The following NHSL1 variants were observed in gnomAD, a reference collection of about 807,000 sequenced individuals.
NHSL1 encodes NHS like 1.
A neutral mutation model predicts 95.0 loss-of-function variants in NHSL1; 48 were observed. The observed-to-expected ratio is 0.51, with a 90% confidence interval of 0.40 to 0.64. The LOEUF (loss-of-function observed/expected upper bound fraction) is 0.64. NHSL1 is among the 30% of genes least tolerant of loss of function. The pLI is 0.00. For synonymous variants in NHSL1, 783 were observed against 833.9 expected, an observed-to-expected ratio of 0.94 and a Z score of 1.05; for missense variants, 1,971 against 2,077.7, an observed-to-expected ratio of 0.95 and a Z score of 1.00.
At chr6:138,525,051 T>C (rs141883148) in intron 1 of NHSL1, among the ~76,000 whole-genome samples, 178 of 152,220 alleles carry the variant, frequency 1.2e-3, no homozygotes, top group Non-Finnish European at 2.0e-3. Context: ...CAGAGCAGCT[T>C]TGGCCCACCA....
At chr6:138,683,230 C>T (rs1354535129) in intron 1 of NHSL1, among the ~76,000 whole-genome samples, 2 of 152,214 alleles carry the variant, frequency 1.3e-5, no homozygotes, top group African/African-American at 4.8e-5. Context: ...TTTCACATGC[C>T]TGTGCAGAAC....
At chr6:138,654,681 C>T (rs1785133801) in intron 1 of NHSL1, among the ~76,000 whole-genome samples, 1 of 151,968 alleles carries the variant, frequency 6.6e-6, no homozygotes, top group East Asian at 1.9e-4. Flanking sequence ...CCATAAAATG[C>T]TCCCACATAT....
chr6:138,561,976 TG>T (rs1298779623), intron 1 of NHSL1, among the ~76,000 whole-genome samples: 1 of 152,228 alleles, frequency 6.6e-6, no homozygotes, highest in African/African-American at 2.4e-5. Context: ...AGTCATCAAA[TG>T]TCAGCGATGA....
intron 1 of NHSL1, among the ~76,000 whole-genome samples, chr6:138,569,245 A>ATGTATATG (rs1554253157): frequency 1.4e-5 from 2 of 147,404 alleles, no homozygotes; most frequent in African/African-American, 5.0e-5. Context: ...TTGTGTGTAT[A>ATGTATATG]TGTGTGTGTG....
chr6:138,424,328 A>G lies in NHSL1; in HGVS notation c.4574T>C (p.Ile1525Thr). Residue 1525 changes from isoleucine (I) to threonine (T), a missense_variant, in exon 8 of 8, where the codon ATC becomes ACC. Physicochemically the swap from Ile to Thr is moderately conservative, Grantham distance 89. This residue lies in a region of NHSL1 where 223 missense variants were observed against 217.0 expected (regional missense o/e 1.03). Coordinates refer to ENST00000343505, the MANE Select transcript of NHSL1 (RefSeq NM_001144060.2). This position sits in a 1 kb window ranked among gnomAD's most constrained non-coding sequence, Gnocchi z 5.9. ...CACGGCTTCCCCTTCTCCCTCCGAG[A>G]TGACGGTCATGGGGCTGCTCTGGAT... Reference protein sequence around the residue: ...NRIQSSPMTVISEGEGEAVEP... With the variant: ...NRIQSSPMTVTSEGEGEAVEP... 3 of 1,533,880 alleles carry G rather than the reference A, an allele frequency of 2.0e-6. No homozygotes were observed. Among genetic ancestry groups the G allele is most frequent in the Non-Finnish European group, 2.6e-6 (3 of 1,136,550 alleles).
chr6:138,433,655 A>G lies in NHSL1; in HGVS notation c.690T>C (p.Ala230=), dbSNP rs1236256717. ...CAGGGGTGTACACTGAGTGGCCATCAGCATCATCTTGGCCAGTGCCTGATG... is the reference window on the plus strand; with the variant it reads ...CAGGGGTGTACACTGAGTGGCCATCGGCATCATCTTGGCCAGTGCCTGATG... ...ELASGTGQDD[A]DGHSVYTPDH... Residue 230 remains alanine (A), a synonymous_variant, in exon 6 of 8, where the codon GCT becomes GCC. Transcript: ENST00000343505. The G allele has an allele frequency of 2.6e-6, 4 of 1,544,422 alleles. No individual in the cohort carries two copies. In the South Asian group the frequency reaches 4.8e-5, roughly 18 times the overall value.
intron 1 of NHSL1, among the ~76,000 whole-genome samples, chr6:138,513,861 T>A (rs928388947): frequency 3.3e-5 from 5 of 152,176 alleles, no homozygotes; most frequent in African/African-American, 7.2e-5. Flanking sequence ...ACTAAACACA[T>A]GATCTGGACC....
Position 138,432,871 on chromosome 6 carries a change from C to T in NHSL1, c.1474G>A (p.Ala492Thr), listed in dbSNP as rs757529652. The T allele has an allele frequency of 1.7e-5, 26 of 1,551,332 alleles. No homozygotes were observed. Among genetic ancestry groups the T allele is most frequent in the East Asian group, 2.4e-5 (1 of 40,920 alleles). The change falls in exon 6 of 8, where the codon GCA (alanine) becomes ACA (threonine). Residue 492 changes from alanine to threonine, a missense_variant. Physicochemically the swap from Ala to Thr is moderately conservative, Grantham distance 58. Coordinates refer to ENST00000343505, the MANE Select transcript of NHSL1 (RefSeq NM_001144060.2). The surrounding 1 kb of genome is among the most constrained non-coding windows in gnomAD (Gnocchi z 4.4). ...DLDPHSPGEP[A>T]LLSLCDSAVP... is the part of the protein sequence containing the mutation. Reference sequence around the variant, plus strand: ...GCTGAGTCACAGAGGGACAACAGTGCGGGTTCACCAGGGGAATGAGGGTCT... The same window carrying T: ...GCTGAGTCACAGAGGGACAACAGTGTGGGTTCACCAGGGGAATGAGGGTCT...
intron 1 of NHSL1, among the ~76,000 whole-genome samples, chr6:138,567,548 A>AT (rs751965981): frequency 3.3e-5 from 5 of 152,066 alleles, no homozygotes; most frequent in Non-Finnish European, 7.4e-5. Context: ...TTTTCATGTC[A>AT]TTTTTCTCCA....
At chr6:138,684,916 G>T (rs1785565459) in intron 1 of NHSL1, among the ~76,000 whole-genome samples, 1 of 152,100 alleles carries the variant, frequency 6.6e-6, no homozygotes, top group African/African-American at 2.4e-5. Context: ...AATTAAGTAA[G>T]TTACTAGGGG....
intron 1 of NHSL1, among the ~76,000 whole-genome samples, chr6:138,536,762 C>T (rs1421525864): frequency 6.6e-6 from 1 of 151,900 alleles, no homozygotes; most frequent in Non-Finnish European, 1.5e-5. Context: ...AGGGATTTGT[C>T]CTAATGCTCT....
chr6:138,551,742 T>C (rs893605572), intron 1 of NHSL1, among the ~76,000 whole-genome samples: 1 of 152,174 alleles, frequency 6.6e-6, no homozygotes, highest in Non-Finnish European at 1.5e-5. Flanking sequence ...GGGAAACTGA[T>C]TTAAAACCAG....
intron 4 of NHSL1, 155 bp downstream of exon 4, chr6:138,446,846 T>G: frequency 1.5e-6 from 1 of 684,824 alleles, no homozygotes; most frequent in Non-Finnish European, 2.5e-6. Context: ...CACACACATA[T>G]GTAGTTTTAA....
intron 1 of NHSL1, among the ~76,000 whole-genome samples, chr6:138,553,488 C>T (rs79189747): frequency 0.021 from 3,150 of 152,296 alleles, 48 homozygotes; most frequent in Middle Eastern, 0.058. Context: ...CTCATTCACA[C>T]TTAACTTCTG....
chr6:138,432,820 T>G lies in NHSL1; in HGVS notation c.1525A>C (p.Arg509=). Residue 509 remains arginine (R), a synonymous_variant, in exon 6 of 8, where the codon AGG becomes CGG. Transcript: ENST00000343505. The surrounding 1 kb of genome is among the most constrained non-coding windows in gnomAD (Gnocchi z 4.4). ...GGCATAGCTTGGGACCCATTCTCCC[T>G]ATTTGCTGGAGCATTTAGAGGGACG... ...SAVPLNAPAN[R]ENGSQAMPYN... is the part of the protein sequence containing the mutation. 6.4e-7 allele frequency: 1 copy of G among 1,551,654 alleles called. No individual in the cohort carries two copies. Among genetic ancestry groups the G allele is most frequent in the Non-Finnish European group, 8.7e-7 (1 of 1,146,952 alleles).
intron 1 of NHSL1, among the ~76,000 whole-genome samples, chr6:138,654,531 A>T (rs930539692): frequency 5.9e-5 from 9 of 152,204 alleles, no homozygotes; most frequent in Admixed American, 2.0e-4. Context: ...AAATTATTTT[A>T]ATTTTTTTAA....
chr6:138,496,284 G>C lies in NHSL1; in HGVS notation c.146C>G (p.Thr49Arg). The change falls in exon 2 of 8, where the codon ACA (threonine) becomes AGA (arginine). Residue 49 changes from threonine (T) to arginine (R), a missense_variant. Thr to Arg is a moderately conservative substitution (Grantham distance 71). Coordinates refer to ENST00000343505, the MANE Select transcript of NHSL1 (RefSeq NM_001144060.2). ...HQQENVFLPT[T>R]RPPCVEDLHR... ...CAGGTCCTCAACACAGGGGGGTCTT[G>C]TGGTGGGAAGGAACACATTCTCCTG... 2 of 1,550,996 alleles carry C rather than the reference G, an allele frequency of 1.3e-6. No individual in the cohort carries two copies. The highest frequency in any genetic ancestry group is 1.7e-6 in the Non-Finnish European group (2 of 1,146,896).
At chr6:138,635,999 T>A (rs1583460279) in intron 1 of NHSL1, among the ~76,000 whole-genome samples, 3 of 149,444 alleles carry the variant, frequency 2.0e-5, no homozygotes, top group African/African-American at 7.4e-5. Context: ...GGTGCAGGCC[T>A]GTAATTCCAG....
intron 1 of NHSL1, among the ~76,000 whole-genome samples, chr6:138,620,632 C>T (rs950341754): frequency 6.6e-6 from 1 of 152,158 alleles, no homozygotes; most frequent in Admixed American, 6.5e-5. Context: ...TTTCCTTTAT[C>T]TGTATATAAC....
Sources: gnomAD v4.1 joint callset for allele counts (sites outside exome capture counted in the v4.1 genomes callset) on GRCh38, gnomAD v4.1.1 for gene constraint, gnomAD v4.1.1 regional missense constraint, Gnocchi (gnomAD v3.1) non-coding constraint, MANE v1.5 for transcripts, NCBI Gene and HGNC (gene_info 2026-07-23, HGNC 2026-07-21) for gene names.